RFPL1: variants seen among roughly 807,000 people sequenced by gnomAD.
RFPL1 encodes ret finger protein-like 1.
In RFPL1, 6 loss-of-function variants were observed where a neutral mutation model predicts 9.6. The ratio of observed to expected loss-of-function variants is 0.62; its 90% confidence interval spans 0.34 to 1.23. The LOEUF is 1.23. RFPL1 is among the 50% of genes most tolerant of loss of function. The probability of loss-of-function intolerance (pLI) is 0.03; values close to 1 mark genes in which losing one functional copy is unlikely to be tolerated. For synonymous variants in RFPL1, 145 were observed against 149.4 expected (o/e 0.97, Z 0.22); for missense variants, 352 against 398.4 (o/e 0.88, Z 0.99).
the RFPL1 span, among the ~76,000 whole-genome samples, chr22:29,417,415 T>TG: frequency 6.6e-6 from 1 of 151,374 alleles, no homozygotes; most frequent in East Asian, 1.9e-4. Flanking sequence ...GGTCCTTTGC[T>TG]TGGGGGGTGA....
the RFPL1 span, among the ~76,000 whole-genome samples, chr22:29,392,620 C>T: frequency 6.6e-6 from 1 of 152,006 alleles, no homozygotes; most frequent in Non-Finnish European, 1.5e-5. Context: ...AAACTCCTGA[C>T]CTCAAGGGAT....
chr22:29,439,829 G>A (rs1234411114), intron 1 of RFPL1: 1 of 152,400 alleles, frequency 6.6e-6, no homozygotes, highest in Non-Finnish European at 1.5e-5. Flanking sequence ...TCTAGCAAAG[G>A]TTCCCAGGAC....
At chr22:29,414,174 AGTTT>A in the RFPL1 span, among the ~76,000 whole-genome samples, 1 of 150,544 alleles carries the variant, frequency 6.6e-6, no homozygotes, top group Non-Finnish European at 1.5e-5. Flanking sequence ...ACAACTAGTT[AGTTT>A]ATTTCAGGAC....
chr22:29,437,801 G>GA, upstream of RFPL1: 1 of 1,428,014 alleles, frequency 7.0e-7, no homozygotes. Context: ...CTTGGGGGAT[G>GA]AATGAGAGAA....
the RFPL1 span, among the ~76,000 whole-genome samples, chr22:29,431,944 G>A: frequency 1.1e-4 from 16 of 152,002 alleles, no homozygotes; most frequent in East Asian, 2.7e-3. Context: ...TACCCACCTC[G>A]GCCTCCCAAA....
At chr22:29,438,791 C>G in exon 1 of RFPL1, 1 of 1,612,144 alleles carries the variant, frequency 6.2e-7, no homozygotes, top group South Asian at 1.1e-5. Flanking sequence ...TACCTTTATG[C>G]ATGAAAAGGT....
the RFPL1 span, among the ~76,000 whole-genome samples, chr22:29,420,950 C>A: frequency 3.3e-5 from 5 of 152,054 alleles, no homozygotes; most frequent in Admixed American, 6.6e-5. Context: ...CCCCCTGAGC[C>A]CTTCTCTAAG....
chr22:29,409,456 G>A, the RFPL1 span, among the ~76,000 whole-genome samples: 3 of 152,080 alleles, frequency 2.0e-5, no homozygotes, highest in South Asian at 2.1e-4. Flanking sequence ...GCAACAGCTC[G>A]GTCCAAGCTT....
At chr22:29,432,219 C>T in the RFPL1 span, among the ~76,000 whole-genome samples, 6 of 152,280 alleles carry the variant, frequency 3.9e-5, no homozygotes, top group African/African-American at 1.2e-4. Flanking sequence ...TGACTCTCAG[C>T]GCGTCAAAGA....
At chr22:29,416,377 G>C in the RFPL1 span, among the ~76,000 whole-genome samples, 6 of 152,164 alleles carry the variant, frequency 3.9e-5, no homozygotes, top group African/African-American at 1.4e-4. Context: ...GGGGCATAGG[G>C]GGTCCTAGGG....
the RFPL1 span, among the ~76,000 whole-genome samples, chr22:29,409,351 C>G: frequency 2.6e-5 from 4 of 152,150 alleles, no homozygotes; most frequent in Non-Finnish European, 5.9e-5. Context: ...GACTATTTCG[C>G]ATTGATGAAG....
the RFPL1 span, among the ~76,000 whole-genome samples, chr22:29,389,450 G>C: frequency 1.6e-3 from 248 of 151,482 alleles, 3 homozygotes; most frequent in East Asian, 0.038. Flanking sequence ...ACTTTGGGAG[G>C]CCGAGGCGGG....
chr22:29,403,843 C>T, the RFPL1 span, among the ~76,000 whole-genome samples: 1 of 152,128 alleles, frequency 6.6e-6, no homozygotes, highest in Non-Finnish European at 1.5e-5. Context: ...CAAAATGGCT[C>T]GACTCCACGA....
chr22:29,436,785 C>T (rs2062810810), upstream of RFPL1: 1 of 152,106 alleles, frequency 6.6e-6, no homozygotes, highest in African/African-American at 2.4e-5. Flanking sequence ...TCAGAGTCCT[C>T]TAATCCCATG....
chr22:29,434,217 CAG>C (rs1346199908), upstream of RFPL1, among the ~76,000 whole-genome samples: 2 of 152,284 alleles, frequency 1.3e-5, no homozygotes, highest in Admixed American at 1.3e-4. Context: ...TATATTTGAA[CAG>C]AGTCTGCTAA....
chr22:29,426,266 A>T, the RFPL1 span, among the ~76,000 whole-genome samples: 27,253 of 150,878 alleles, frequency 0.18, 2,679 homozygotes, highest in African/African-American at 0.25. Context: ...AGGGTTACGG[A>T]GATCTGAGAT....
the RFPL1 span, among the ~76,000 whole-genome samples, chr22:29,405,905 C>G: frequency 6.6e-6 from 1 of 150,668 alleles, no homozygotes; most frequent in Non-Finnish European, 1.5e-5. Flanking sequence ...GTCAGGAGAT[C>G]GAGACCATCC....
the RFPL1 span, among the ~76,000 whole-genome samples, chr22:29,430,230 T>G: frequency 6.6e-6 from 1 of 152,160 alleles, no homozygotes; most frequent in Non-Finnish European, 1.5e-5. Flanking sequence ...GGTCTCAGTA[T>G]GATACCCAGG....
the RFPL1 span, among the ~76,000 whole-genome samples, chr22:29,395,100 A>G: frequency 2.0e-5 from 3 of 152,148 alleles, no homozygotes; most frequent in African/African-American, 7.2e-5. Context: ...GAATGGGTGC[A>G]TAAGTACATG....
Sources: allele counts gnomAD v4.1 joint callset (sites outside exome capture counted in the v4.1 genomes callset), GRCh38; gene constraint gnomAD v4.1.1; transcripts MANE v1.5; gene names NCBI Gene and HGNC (gene_info 2026-07-23, HGNC 2026-07-21).